Variants in VWA2 observed in about 807,000 individuals in gnomAD.
VWA2 encodes von Willebrand factor A domain-containing protein 2.
In VWA2, 73 loss-of-function variants were observed where a neutral mutation model predicts 70.4. The ratio of observed to expected loss-of-function variants is 1.04; its 90% CI spans 0.86 to 1.26. The LOEUF (loss-of-function observed/expected upper bound fraction) is 1.26. VWA2 is among the 50% of genes most tolerant of loss of function. The pLI is 0.00. For missense variants in VWA2, 1,011 were observed against 998.5 expected, an observed-to-expected ratio of 1.01 and a Z score of -0.17; for synonymous variants, 407 against 423.3, an observed-to-expected ratio of 0.96 and a Z score of 0.47.
chr10:114,246,274 T>G (rs1226428702), intron 1 of VWA2: 2 of 666,014 alleles, frequency 3.0e-6, no homozygotes, highest in African/African-American at 1.8e-5. Flanking sequence ...GCCGAGGCGG[T>G]CGTATCACCT....
chr10:114,262,083 GC>G (rs2037456343), intron 5 of VWA2, among the ~76,000 whole-genome samples: 1 of 152,012 alleles, frequency 6.6e-6, no homozygotes, highest in Non-Finnish European at 1.5e-5. Context: ...GGAGGGATCC[GC>G]CCCCATGATC....
At chr10:114,275,101 C>G (rs1438372954) in intron 6 of VWA2, among the ~76,000 whole-genome samples, 3 of 152,108 alleles carry the variant, frequency 2.0e-5, no homozygotes, top group Admixed American at 6.5e-5. Flanking sequence ...GTTTTTAAAT[C>G]TGATATAAGG....
At chr10:114,269,961 A>G (rs1171435262) in intron 5 of VWA2, among the ~76,000 whole-genome samples, 3 of 152,248 alleles carry the variant, frequency 2.0e-5, no homozygotes, top group African/African-American at 4.8e-5. Context: ...TAAGCAGGAC[A>G]GTTTAGAACA....
intron 13 of VWA2, among the ~76,000 whole-genome samples, chr10:114,290,969 A>G (rs1564750726): frequency 6.6e-6 from 1 of 152,142 alleles, no homozygotes; most frequent in Non-Finnish European, 1.5e-5. Flanking sequence ...TTGAAGTTAG[A>G]ACAGCCAGAA....
At chr10:114,253,830 C>G (rs1310341309) in intron 3 of VWA2, 105 bp downstream of exon 3, 1 of 1,106,460 alleles carries the variant, frequency 9.0e-7, no homozygotes, top group African/African-American at 1.6e-5. Flanking sequence ...CCTTTCCCAT[C>G]TTCCTTTCAT....
At chr10:114,257,286 C>CCT (rs1202624432) in intron 4 of VWA2, among the ~76,000 whole-genome samples, 1 of 152,208 alleles carries the variant, frequency 6.6e-6, no homozygotes, top group Non-Finnish European at 1.5e-5. Context: ...TCCCCACCAT[C>CCT]CTCTGCACAG....
At chr10:114,277,220 G>A (rs2037866543) in intron 6 of VWA2, among the ~76,000 whole-genome samples, 1 of 110,228 alleles carries the variant, frequency 9.1e-6, no homozygotes, top group Non-Finnish European at 1.7e-5. Flanking sequence ...CTCTCACTCT[G>A]TTGCCCAGGC....
Position 114,240,339 on chromosome 10 carries a change from C to G in VWA2, c.-11+770C>G, listed in dbSNP as rs139532926. ...CTGCTGGGACGGTGAATGGGAGAGT[C>G]TCAGAATTGAACCTTGAAAACTTGC... On this transcript the variant is annotated intron_variant, in intron 1 of 13. Transcript: ENST00000392982. Among the ~76,000 whole-genome samples the G allele has an allele frequency of 4.8e-3, 736 of 152,278 alleles. 10 individuals carry two copies. Among genetic ancestry groups the G allele is most frequent in the African/African-American group, 0.017 (709 of 41,566 alleles).
intron 12 of VWA2, 84 bp from the exon 13 acceptor site, chr10:114,290,156 C>T (rs1589848097): frequency 6.6e-7 from 1 of 1,511,016 alleles, no homozygotes; most frequent in Admixed American, 2.0e-5. Context: ...AGCCTTGCAC[C>T]TCTACTGGGC....
chr10:114,291,065 A>G lies in VWA2; in HGVS notation c.2249-153A>G, dbSNP rs115776196. On this transcript the variant is annotated intron_variant, in intron 13 of 13. Coordinates refer to ENST00000392982, the MANE Select transcript of VWA2 (RefSeq NM_001272046.2). ...TAAGGCCAGAGAGAAGCTCTGGAGG[A>G]TAATCACATGGGGTCTCTAATCTGG... 5.6e-3 allele frequency among the ~76,000 whole-genome samples: 856 copies of G among 152,104 alleles called. 14 individuals are homozygous for G. The highest frequency in any genetic ancestry group is 0.02 in the African/African-American group (817 of 41,462).
chr10:114,259,823 T>TGTGTCCGTCTCCCC (rs991612616), intron 4 of VWA2, among the ~76,000 whole-genome samples: 4 of 152,192 alleles, frequency 2.6e-5, no homozygotes, highest in Non-Finnish European at 4.4e-5. Flanking sequence ...TCCGTCTTCC[T>TGTGTCCGTCTCCCC]GTGTCCGTCT....
intron 9 of VWA2, among the ~76,000 whole-genome samples, chr10:114,284,036 A>G (rs1193596834): frequency 6.6e-6 from 1 of 152,240 alleles, no homozygotes; most frequent in Non-Finnish European, 1.5e-5. Context: ...TGTTTTCTGT[A>G]ACCCTGGGAA....
rs780096018 is a variant in VWA2, at chr10:114,286,132, G to C, written c.1191G>C (p.Val397=). ...GGGAGCTGCTGGTGGCGGTGCCTGT[G>C]GGGGAGTACCAGGATGTGCCTGACC... is the stretch of plus-strand genomic sequence containing the variant. ...YSRELLVAVP[V]GEYQDVPDLV... is the part of the protein sequence containing the mutation. The change falls in exon 11 of 14, where the codon GTG becomes GTC. Residue 397 remains valine (V), a synonymous_variant. Coordinates refer to ENST00000392982, the MANE Select transcript of VWA2 (RefSeq NM_001272046.2). 1 of 1,614,114 alleles carries C rather than the reference G, an allele frequency of 6.2e-7. No homozygotes were observed. Among genetic ancestry groups the C allele is most frequent in the Non-Finnish European group, 8.5e-7 (1 of 1,180,038 alleles).
intron 8 of VWA2, among the ~76,000 whole-genome samples, chr10:114,279,929 A>T (rs1589770317): frequency 6.6e-6 from 1 of 152,302 alleles, no homozygotes; most frequent in East Asian, 1.9e-4. Flanking sequence ...GAACTGTGGC[A>T]GTGGGCAAGG....
intron 4 of VWA2, among the ~76,000 whole-genome samples, chr10:114,255,602 G>A (rs1195450804): frequency 2.6e-5 from 4 of 152,218 alleles, no homozygotes; most frequent in Non-Finnish European, 5.9e-5. Flanking sequence ...GACTAAAGCT[G>A]TTACTACCTC....
At chr10:114,246,863 C>A in intron 1 of VWA2, 1 of 683,730 alleles carries the variant, frequency 1.5e-6, no homozygotes, top group Non-Finnish European at 2.6e-6. Flanking sequence ...CCTGGCAATG[C>A]CTGAACCTCC....
At chr10:114,255,116 C>G (rs936440093) in intron 4 of VWA2, 68 bp downstream of exon 4, 19 of 1,581,406 alleles carry the variant, frequency 1.2e-5, no homozygotes, top group Non-Finnish European at 1.6e-5. Flanking sequence ...AACCCGGTCT[C>G]AAGCAGAGGA....
In VWA2 at chr10:114,286,199, AC is replaced by A; in HGVS notation, c.1261del (p.Leu421Ter). On this transcript the variant is annotated frameshift_variant, in exon 11 of 14. Transcript: ENST00000392982. LOFTEE classifies it high-confidence loss of function. ...LDGIPFRGGP[T>X]LTGSALRQAA... ...TGGCATTCCCTTCCGTGGTGGCCCC[AC>A]CCTGACGGGCAGTGCCTTGCGGCAG... The A allele has an allele frequency of 2.5e-6, 4 of 1,613,918 alleles. No homozygotes were observed. Among genetic ancestry groups the A allele is most frequent in the Non-Finnish European group, 2.5e-6 (3 of 1,179,986 alleles).
intron 9 of VWA2, among the ~76,000 whole-genome samples, chr10:114,284,456 G>C (rs1232297574): frequency 1.3e-5 from 2 of 152,202 alleles, no homozygotes; most frequent in African/African-American, 2.4e-5. Flanking sequence ...GGATCCGAAG[G>C]CTGGTGTGTT....
Sources: gnomAD v4.1 joint callset for allele counts (sites outside exome capture counted in the v4.1 genomes callset) on GRCh38, gnomAD v4.1.1 for gene constraint, MANE v1.5 for transcripts, NCBI Gene and HGNC (gene_info 2026-07-23, HGNC 2026-07-21) for gene names.